Variants in ABCG8 observed in about 807,000 individuals in gnomAD.
The protein encoded by ABCG8 is ATP binding cassette subfamily G member 8.
In ABCG8, 81 loss-of-function variants were observed where a neutral mutation model predicts 71.3. That is an observed-to-expected ratio of 1.14 (90% CI 0.95 to 1.37). The LOEUF (loss-of-function observed/expected upper bound fraction) is 1.37, where lower values mean the gene tolerates loss of function less well. ABCG8 is among the 40% of genes most tolerant of loss of function. The probability of loss-of-function intolerance (pLI) is 0.00; values close to 1 mark genes in which losing one functional copy is unlikely to be tolerated. For missense variants in ABCG8, 1,119 were observed against 866.2 expected, an observed-to-expected ratio of 1.29 and a Z score of -3.66; for synonymous variants, 451 against 354.7, an observed-to-expected ratio of 1.27 and a Z score of -3.05.
In ABCG8 at chr2:43,877,900, G is replaced by GTGAT; in HGVS notation, c.2010_2011insGATT (p.Gln671AspfsTer62). The GTGAT allele has an allele frequency of 6.2e-7, 1 of 1,614,134 alleles. No homozygotes were observed. The highest frequency in any genetic ancestry group is 8.5e-7 in the Non-Finnish European group (1 of 1,180,020). On this transcript the variant is annotated frameshift_variant, in exon 13 of 13. Transcript: ENST00000272286. LOFTEE classifies it high-confidence loss of function. ...TTAAGGTTCATCAAACAGAAACCAA[G>GTGAT]TCAAGACTGGTGATTCACGCCAGAC...
At chr2:43,851,437 C>A in intron 3 of ABCG8, 147 bp from the exon 4 acceptor site, 1 of 888,690 alleles carries the variant, frequency 1.1e-6, no homozygotes, top group Non-Finnish European at 1.8e-6. Flanking sequence ...CCATCTAGGT[C>A]CAGGGACTAT....
rs4245796 is a variant in ABCG8 at position 43,880,596 on chromosome 2, T to A, written c.*2683T>A. The A allele has an allele frequency of 0.85, 129,935 of 152,184 alleles. 55,900 individuals carry two copies. The highest frequency in any genetic ancestry group is 1 in the East Asian group (5,159 of 5,166). 9.4% of individuals were successfully genotyped at this position (152,184 alleles called of 1,614,324 possible). A position where few individuals can be genotyped will look rare whatever the true frequency, so the allele number is the denominator to read the frequency against. On this transcript the variant is annotated 3_prime_UTR_variant, in exon 13 of 13. Transcript: ENST00000272286. ...CAAGGTTTTGGTGATAAGTATGCTC[T>A]TTGCTTGTGGAACATCTCTGCTCCC...
rs1670084182 is a variant in ABCG8, at chr2:43,879,944, T to C, written c.*2031T>C. On this transcript the variant is annotated 3_prime_UTR_variant, in exon 13 of 13. Coordinates refer to ENST00000272286, the MANE Select transcript of ABCG8 (RefSeq NM_022437.3). ...ATTTTGTAAGTGGGTACTTTGAAAC[T>C]ATGTAAATTGTAAACTTTCCATTTA... 1 of 152,236 alleles carries C rather than the reference T, an allele frequency of 6.6e-6. No homozygotes were observed. The highest frequency in any genetic ancestry group is 6.5e-5 in the Admixed American group (1 of 15,288). The allele number at this position is 152,236 out of a possible 1,614,324, so 9.4% of individuals were successfully genotyped here. A position where few individuals can be genotyped will look rare whatever the true frequency, so the allele number is the denominator to read the frequency against.
chr2:43,851,532 C>G (rs1668913844), intron 3 of ABCG8, 52 bp from the exon 4 acceptor site: 2 of 1,597,544 alleles, frequency 1.3e-6, no homozygotes, highest in Non-Finnish European at 1.7e-6. Flanking sequence ...TGGCTGACAG[C>G]CTGGCCCCCA....
chr2:43,840,772 C>A (rs1668558966), intron 1 of ABCG8, among the ~76,000 whole-genome samples: 1 of 152,194 alleles, frequency 6.6e-6, no homozygotes, highest in African/African-American at 2.4e-5. Flanking sequence ...TCCCCCTTTT[C>A]TGGCCCCCTC....
intron 6 of ABCG8, among the ~76,000 whole-genome samples, chr2:43,858,226 A>G (rs1669180591): frequency 6.6e-6 from 1 of 151,722 alleles, no homozygotes; most frequent in South Asian, 2.1e-4. Flanking sequence ...CTCTGGATAG[A>G]ACTCTCACTA....
rs1346976838 is a variant in ABCG8 at position 43,857,535 on chromosome 2, C to G, written c.964+4667C>G. ...CCTCACTATCTATATGGAAAGAATT[C>G]TCAACATCTGGATAGAATCCTCACT... On this transcript the variant is annotated intron_variant, in intron 6 of 12. Coordinates refer to ENST00000272286, the MANE Select transcript of ABCG8 (RefSeq NM_022437.3). Among the ~76,000 whole-genome samples the G allele has an allele frequency of 3.3e-5, 5 of 151,766 alleles. No individual in the cohort carries two copies. In the East Asian group the frequency reaches 7.8e-4, roughly 24 times the overall value.
At position 43,872,091 on chromosome 2, in the gene ABCG8, A is replaced by G. The variant is rs747645864; in HGVS notation, c.1080A>G (p.Leu360=). The G allele has an allele frequency of 1.9e-6, 3 of 1,614,018 alleles. No individual in the cohort carries two copies. The highest frequency in any genetic ancestry group is 2.5e-6 in the Non-Finnish European group (3 of 1,180,036). Residue 360 remains leucine, a synonymous_variant, in exon 7 of 13, where the codon CTA becomes CTG. Transcript: ENST00000272286. ...AAGTGCGTGACTTAGATGACTTTCT[A>G]TGGAAAGCAGAGACGAAGGATCTTG... The part of the protein sequence containing the change: ...LEKVRDLDDF[L]WKAETKDLDE...
intron 6 of ABCG8, among the ~76,000 whole-genome samples, chr2:43,864,804 A>G (rs1160344193): frequency 6.8e-6 from 1 of 146,702 alleles, no homozygotes; most frequent in Non-Finnish European, 1.5e-5. Flanking sequence ...CTCTGTATAA[A>G]ACTCTCACTA....
At position 43,852,354 on chromosome 2, in the gene ABCG8, G is replaced by A. The variant is rs767597558; in HGVS notation, c.562G>A (p.Val188Met). Residue 188 changes from valine (V) to methionine (M), a missense_variant and splice_region_variant, in exon 5 of 13, where the codon GTG becomes ATG. By Grantham distance (21) the Val-to-Met change is conservative (BLOSUM62 1). Transcript: ENST00000272286. ...CCTCAAAGCTCCTTCTGGCCCACAG[G>A]TGGAGGACGTGATCGCGGAGCTGCG... is the stretch of plus-strand genomic sequence containing the variant. ...TFSQAQRDKRVEDVIAELRLR... is the reference protein window; with the variant it reads ...TFSQAQRDKRMEDVIAELRLR... The A allele has an allele frequency of 1.2e-6, 2 of 1,612,184 alleles. No individual in the cohort carries two copies. Among genetic ancestry groups the A allele is most frequent in the Non-Finnish European group, 8.5e-7 (1 of 1,179,990 alleles).
chr2:43,874,781 C>G (rs550053708), intron 10 of ABCG8, among the ~76,000 whole-genome samples: 31 of 152,202 alleles, frequency 2.0e-4, no homozygotes, highest in Admixed American at 4.6e-4. Flanking sequence ...CTGTGGCCCC[C>G]CAGCAGGCCA....
At chr2:43,853,603 C>T (rs1558813619) in intron 6 of ABCG8, among the ~76,000 whole-genome samples, 1 of 152,172 alleles carries the variant, frequency 6.6e-6, no homozygotes, top group Non-Finnish European at 1.5e-5. Flanking sequence ...GCAAGGACCC[C>T]ACCAGTAAAC....
chr2:43,841,043 G>A (rs1668568278), intron 1 of ABCG8, among the ~76,000 whole-genome samples: 1 of 152,214 alleles, frequency 6.6e-6, no homozygotes, highest in South Asian at 2.1e-4. Context: ...CAGCAACAGA[G>A]AAGGACAAGA....
rs760835387 is a variant in ABCG8 at position 43,852,522 on chromosome 2, C to G, written c.694+36C>G. On this transcript the variant is annotated intron_variant, in intron 5 of 12. Coordinates refer to ENST00000272286, the MANE Select transcript of ABCG8 (RefSeq NM_022437.3). ...GGGGGGCAGATGGGGGCAGAGGGAC[C>G]TGTGCGGTCCCCTCAGGCTTGGCTT... is the stretch of plus-strand genomic sequence containing the variant. 4 of 1,613,864 alleles carry G rather than the reference C, an allele frequency of 2.5e-6. No individual in the cohort carries two copies. The South Asian group carries it at 4.4e-5, about 18-fold the overall frequency.
In ABCG8 at chr2:43,845,946, T is replaced by C. The variant is rs17039142; in HGVS notation, c.166-209T>C. Among the ~76,000 whole-genome samples, 3,582 of 152,286 alleles carry C rather than the reference T, an allele frequency of 0.024. 138 individuals carry two copies. Among genetic ancestry groups the C allele is most frequent in the African/African-American group, 0.082 (3,395 of 41,550 alleles). ...CTGTACATGCTTTTCATTCTTCTTA[T>C]CTTCAGACCTAGAAACAGCAGCTAC... is the stretch of plus-strand genomic sequence containing the variant. On this transcript the variant is annotated intron_variant, in intron 2 of 12. Coordinates refer to ENST00000272286, the MANE Select transcript of ABCG8 (RefSeq NM_022437.3).
At chr2:43,876,265 C>G (rs967632187) in intron 11 of ABCG8, among the ~76,000 whole-genome samples, 3 of 152,198 alleles carry the variant, frequency 2.0e-5, no homozygotes, top group Non-Finnish European at 2.9e-5. Flanking sequence ...CCCCAGCAAC[C>G]CCTCTGCCCT....
Position 43,872,207 on chromosome 2 carries a change from ATCT to A in ABCG8, c.1128-12_1128-10del, listed in dbSNP as rs750047912. Reference sequence around the variant, plus strand: ...GTGGCTGCCCCCATGACCTGGCCACATCTTCTGCCTCCCAGCAGCGTGACCCCA... The same window carrying A: ...GTGGCTGCCCCCATGACCTGGCCACATCTGCCTCCCAGCAGCGTGACCCCA... On this transcript the variant is annotated splice_polypyrimidine_tract_variant and intron_variant, in intron 7 of 12. Coordinates refer to ENST00000272286, the MANE Select transcript of ABCG8 (RefSeq NM_022437.3). 1.5e-5 allele frequency: 24 copies of A among 1,613,912 alleles called. No homozygotes were observed. The highest frequency in any genetic ancestry group is 1.9e-5 in the Non-Finnish European group (22 of 1,180,038).
chr2:43,861,558 C>G (rs905778444), intron 6 of ABCG8, among the ~76,000 whole-genome samples: 11 of 149,120 alleles, frequency 7.4e-5, no homozygotes, highest in African/African-American at 2.5e-4. Flanking sequence ...GGATAAAACT[C>G]TCCCTGTCTG....
chr2:43,841,025 G>A (rs1572817710), intron 1 of ABCG8, among the ~76,000 whole-genome samples: 2 of 152,302 alleles, frequency 1.3e-5, no homozygotes, highest in Non-Finnish European at 2.9e-5. Context: ...TCATGCCATG[G>A]GCAGGAGCAG....
Sources: allele counts gnomAD v4.1 joint callset (sites outside exome capture counted in the v4.1 genomes callset), GRCh38; gene constraint gnomAD v4.1.1; transcripts MANE v1.5; gene names NCBI Gene and HGNC (gene_info 2026-07-23, HGNC 2026-07-21).